The following GPR137C variants were observed in gnomAD, a reference collection of about 807,000 sequenced individuals.
The protein encoded by GPR137C is integral membrane protein GPR137C.
In GPR137C, 27 loss-of-function variants were observed where a neutral mutation model predicts 43.4. The ratio of observed to expected loss-of-function variants is 0.62; its 90% CI spans 0.46 to 0.86. The LOEUF is 0.86. Among genes scored for constraint, GPR137C ranks in the 40% least tolerant of loss-of-function variants. The pLI is 0.00. For missense variants in GPR137C, 522 were observed against 534.6 expected (o/e 0.98, Z 0.23); for synonymous variants, 285 against 226.9 (o/e 1.26, Z -2.30).
chr14:52,576,691 C>T (rs546111069), intron 1 of GPR137C, among the ~76,000 whole-genome samples: 6 of 152,226 alleles, frequency 3.9e-5, no homozygotes, highest in African/African-American at 1.2e-4. Flanking sequence ...CCAAATTAAC[C>T]TAATAGACGT....
At chr14:52,620,130 G>A (rs188351888) in intron 3 of GPR137C, among the ~76,000 whole-genome samples, 1 of 152,100 alleles carries the variant, frequency 6.6e-6, no homozygotes, top group Non-Finnish European at 1.5e-5. Flanking sequence ...CTGAGAGAAG[G>A]TCCCATCCAT....
intron 1 of GPR137C, among the ~76,000 whole-genome samples, chr14:52,567,413 T>TA (rs1346828679): frequency 2.0e-5 from 3 of 152,254 alleles, no homozygotes; most frequent in African/African-American, 7.2e-5. Flanking sequence ...GACAATATGA[T>TA]AAACACTTTT....
chr14:52,606,901 C>T (rs1178295810), intron 3 of GPR137C, among the ~76,000 whole-genome samples: 1 of 151,918 alleles, frequency 6.6e-6, no homozygotes, highest in Non-Finnish European at 1.5e-5. Flanking sequence ...ATTTGTCTTT[C>T]TATTTTTTTG....
intron 3 of GPR137C, among the ~76,000 whole-genome samples, chr14:52,628,083 AG>A (rs2039250133): frequency 6.6e-6 from 1 of 152,230 alleles, no homozygotes; most frequent in African/African-American, 2.4e-5. Context: ...TGAAAATGAA[AG>A]GGATTCATAC....
intron 1 of GPR137C, among the ~76,000 whole-genome samples, chr14:52,587,047 A>G (rs1211635950): frequency 6.6e-6 from 1 of 152,126 alleles, no homozygotes; most frequent in Non-Finnish European, 1.5e-5. Context: ...TGATTTGATG[A>G]CTGCTTGCCT....
chr14:52,625,876 G>GT (rs372256735), intron 3 of GPR137C, among the ~76,000 whole-genome samples: 10 of 151,938 alleles, frequency 6.6e-5, no homozygotes, highest in Admixed American at 2.6e-4. Context: ...GTTAGACCAG[G>GT]TTTTATGAGA....
chr14:52,595,730 C>G (rs2038846083), intron 1 of GPR137C, among the ~76,000 whole-genome samples: 1 of 152,118 alleles, frequency 6.6e-6, no homozygotes, highest in Non-Finnish European at 1.5e-5. Context: ...GACCTTTTTT[C>G]AAGGTTTTTT....
intron 1 of GPR137C, among the ~76,000 whole-genome samples, chr14:52,593,868 G>A (rs1232920791): frequency 6.6e-6 from 1 of 151,924 alleles, no homozygotes; most frequent in African/African-American, 2.4e-5. Flanking sequence ...CTTGCCTTCT[G>A]CTAGCTTTTG....
intron 3 of GPR137C, among the ~76,000 whole-genome samples, chr14:52,629,468 A>T (rs111309468): frequency 3.2e-4 from 49 of 152,302 alleles, no homozygotes; most frequent in Admixed American, 1.3e-3. Flanking sequence ...CCCTAAGCAA[A>T]TCAGGAAGAG....
intron 4 of GPR137C, among the ~76,000 whole-genome samples, chr14:52,633,159 G>A (rs919432997): frequency 3.3e-5 from 5 of 152,096 alleles, no homozygotes; most frequent in African/African-American, 1.2e-4. Flanking sequence ...TTTTTCTATA[G>A]GTGTAATTAG....
intron 1 of GPR137C, among the ~76,000 whole-genome samples, chr14:52,565,403 T>G (rs1446934263): frequency 6.6e-6 from 1 of 152,328 alleles, no homozygotes; most frequent in East Asian, 1.9e-4. Flanking sequence ...AAATGAACTC[T>G]GAGTAATTTA....
At chr14:52,625,490 A>AAAAAAG (rs2039212937) in intron 3 of GPR137C, among the ~76,000 whole-genome samples, 1 of 148,054 alleles carries the variant, frequency 6.8e-6, no homozygotes, top group South Asian at 2.1e-4. Flanking sequence ...CCAAAAAAAA[A>AAAAAAG]AAAAAGAAAA....
Position 52,598,301 on chromosome 14 carries a change from A to G in GPR137C, c.474A>G (p.Glu158=). 1 of 1,404,156 alleles carries G rather than the reference A, an allele frequency of 7.1e-7. No homozygotes were observed. 87.0% of individuals were successfully genotyped at this position (1,404,156 alleles called of 1,614,324 possible). ...TATGTAAAGTCAGATGTGCCACTGA[A>G]CTTGACAGACACAAGTAAGTTTTAT... The part of the protein sequence containing the change: ...EVICKVRCAT[E]LDRHKILLHL... Residue 158 remains glutamate, a synonymous_variant, in exon 2 of 7, where the codon GAA becomes GAG. Transcript: ENST00000321662.
intron 1 of GPR137C, among the ~76,000 whole-genome samples, chr14:52,571,732 A>G (rs1387265474): frequency 2.0e-5 from 3 of 151,826 alleles, no homozygotes; most frequent in Non-Finnish European, 4.4e-5. Flanking sequence ...CTAGCAGAAG[A>G]CAAGAAATAA....
chr14:52,562,102 T>C (rs2038293581), intron 1 of GPR137C, among the ~76,000 whole-genome samples: 1 of 152,216 alleles, frequency 6.6e-6, no homozygotes, highest in Non-Finnish European at 1.5e-5. Flanking sequence ...GCTAATCATC[T>C]AATTTATGTT....
chr14:52,625,450 C>G (rs547127130), intron 3 of GPR137C, among the ~76,000 whole-genome samples: 7 of 144,042 alleles, frequency 4.9e-5, no homozygotes, highest in Non-Finnish European at 1.1e-4. Flanking sequence ...CTACTGCACT[C>G]CAGCCTGGGT....
At chr14:52,596,524 C>T (rs1483932008) in intron 1 of GPR137C, among the ~76,000 whole-genome samples, 1 of 152,222 alleles carries the variant, frequency 6.6e-6, no homozygotes, top group African/African-American at 2.4e-5. Flanking sequence ...CAAGCCTCAA[C>T]AATGGTGGAT....
chr14:52,594,163 G>C (rs1024894432), intron 1 of GPR137C, among the ~76,000 whole-genome samples: 1 of 150,684 alleles, frequency 6.6e-6, no homozygotes, highest in Non-Finnish European at 1.5e-5. Flanking sequence ...TTAATCCTGA[G>C]ATTGATTGCC....
intron 1 of GPR137C, among the ~76,000 whole-genome samples, chr14:52,572,218 A>T (rs2038482006): frequency 6.6e-6 from 1 of 152,250 alleles, no homozygotes; most frequent in Non-Finnish European, 1.5e-5. Context: ...ATCAATAGAA[A>T]AAGAGGGATT....
Sources: gnomAD v4.1 joint callset for allele counts (sites outside exome capture counted in the v4.1 genomes callset) on GRCh38, gnomAD v4.1.1 for gene constraint, MANE v1.5 for transcripts, NCBI Gene and HGNC (gene_info 2026-07-23, HGNC 2026-07-21) for gene names.